ASCC1: variants seen among roughly 807,000 people sequenced by gnomAD.
The protein encoded by ASCC1 is ASC-1 complex subunit P50.
Under a neutral mutation model 46.6 loss-of-function variants are expected in ASCC1, and 35 were observed. The ratio of observed to expected loss-of-function variants is 0.75; its 90% CI spans 0.57 to 0.99. ASCC1 has a LOEUF of 0.99. Ranked by LOEUF, ASCC1 falls within the 50% of genes least tolerant of loss-of-function variation. The probability of loss-of-function intolerance (pLI) is 0.00; values close to 1 mark genes in which losing one functional copy is unlikely to be tolerated. For synonymous variants in ASCC1, 143 were observed against 146.6 expected (o/e 0.98, Z 0.18); for missense variants, 376 against 428.7 (o/e 0.88, Z 1.09).
chr10:72,180,753 A>C (rs1048876243), intron 5 of ASCC1: 2 of 152,196 alleles, frequency 1.3e-5, no homozygotes, highest in Non-Finnish European at 2.9e-5. Flanking sequence ...TACAACCTGA[A>C]GCAGCCTGGG....
chr10:72,136,212 T>C (rs571939274), intron 7 of ASCC1, among the ~76,000 whole-genome samples: 22 of 152,226 alleles, frequency 1.4e-4, no homozygotes, highest in African/African-American at 4.8e-4. Flanking sequence ...CTGGGTTGAA[T>C]GGGGGACTTG....
intron 7 of ASCC1, among the ~76,000 whole-genome samples, chr10:72,142,776 C>G (rs934935707): frequency 7.9e-5 from 12 of 152,268 alleles, no homozygotes; most frequent in Non-Finnish European, 1.8e-4. Context: ...CCTCCCCCTC[C>G]TGTTCCTGAT....
At chr10:72,179,565 G>C (rs1033797207) in intron 5 of ASCC1, among the ~76,000 whole-genome samples, 2 of 152,136 alleles carry the variant, frequency 1.3e-5, no homozygotes, top group Non-Finnish European at 2.9e-5. Flanking sequence ...ACGCAACTTC[G>C]TATCACTGCT....
chr10:72,182,289 T>C (rs1406252306), intron 5 of ASCC1, among the ~76,000 whole-genome samples: 5 of 152,230 alleles, frequency 3.3e-5, no homozygotes, highest in African/African-American at 9.6e-5. Flanking sequence ...TTTTCATTCA[T>C]CCTTGCCCCA....
chr10:72,195,894 C>G (rs11000212), intron 5 of ASCC1, among the ~76,000 whole-genome samples: 87,875 of 151,664 alleles, frequency 0.58, 27,347 homozygotes, highest in African/African-American at 0.8. Context: ...ATATAGCAAT[C>G]ATGTAACAGC....
rs951400711 is a variant in ASCC1, at chr10:72,122,009, C to T, written c.957+6073G>A. The stretch of plus-strand genomic sequence containing the variant: ...AGATCACATTCTGGGCCATAAAATA[C>T]GCTGTAATAAATTTAAAAGAATAGA... On this transcript the variant is annotated intron_variant, in intron 9 of 9. Coordinates refer to ENST00000672957, the MANE Select transcript of ASCC1 (RefSeq NM_001198800.3). 7.2e-5 allele frequency among the ~76,000 whole-genome samples: 11 copies of T among 152,150 alleles called. No individual in the cohort carries two copies. The East Asian group carries it at 9.6e-4, about 13-fold the overall frequency.
chr10:72,137,840 C>A (rs1382181949), intron 7 of ASCC1, among the ~76,000 whole-genome samples: 1 of 151,884 alleles, frequency 6.6e-6, no homozygotes. Flanking sequence ...TTAACACCAT[C>A]TAAGAACCAT....
chr10:72,101,555 G>A (rs928587660), intron 9 of ASCC1, among the ~76,000 whole-genome samples: 2 of 152,074 alleles, frequency 1.3e-5, no homozygotes, highest in Non-Finnish European at 1.5e-5. Context: ...TGTTTGGAAG[G>A]TTCCTAGAGT....
intron 6 of ASCC1, among the ~76,000 whole-genome samples, chr10:72,159,893 TAC>T (rs1434740824): frequency 1.3e-5 from 2 of 151,470 alleles, no homozygotes; most frequent in Admixed American, 6.6e-5. Context: ...GTGTTTGTAT[TAC>T]ACAGTTTCTT....
intron 5 of ASCC1, among the ~76,000 whole-genome samples, chr10:72,195,139 GTTTTTTT>G (rs142672810): frequency 9.8e-5 from 6 of 61,034 alleles, no homozygotes; most frequent in African/African-American, 2.6e-4. Context: ...TTTTTGCTGT[GTTTTTTT>G]TTTTTTTTTT....
intron 3 of ASCC1, among the ~76,000 whole-genome samples, chr10:72,205,716 A>G (rs1292843158): frequency 6.6e-6 from 1 of 151,936 alleles, no homozygotes; most frequent in East Asian, 1.9e-4. Context: ...GAATTGCTTG[A>G]ACCTGGGAGA....
intron 9 of ASCC1, among the ~76,000 whole-genome samples, chr10:72,122,348 G>T (rs1212376808): frequency 4.0e-5 from 6 of 151,624 alleles, no homozygotes; most frequent in African/African-American, 1.5e-4. Flanking sequence ...GAACCTGCAG[G>T]GGCGGAGGTT....
chr10:72,152,900 C>T lies in ASCC1; in HGVS notation c.715G>A (p.Ala239Thr), dbSNP rs760239155. The change falls in exon 7 of 10, where the codon GCC becomes ACC. Residue 239 changes from alanine (A) to threonine (T), a missense_variant. Physicochemically the swap from Ala to Thr is moderately conservative, Grantham distance 58. Coordinates refer to ENST00000672957, the MANE Select transcript of ASCC1 (RefSeq NM_001198800.3). ...GAGCCATCTTTCATATGGACTTTGG[C>T]GTAAAGAACATCCACCATGCCAGGA... ...DDPGMVDVLY[A>T]KVHMKDGSNR... is the part of the protein sequence containing the mutation. 8.1e-6 allele frequency: 13 copies of T among 1,613,992 alleles called. No homozygotes were observed. Among genetic ancestry groups the T allele is most frequent in the Admixed American group, 1.7e-5 (1 of 60,006 alleles).
At chr10:72,131,441 C>CACACACAT (rs761804061) in intron 8 of ASCC1, among the ~76,000 whole-genome samples, 2 of 54,104 alleles carry the variant, frequency 3.7e-5, no homozygotes, top group East Asian at 4.6e-3. Flanking sequence ...AATAAAAATA[C>CACACACAT]ACACACACAC....
chr10:72,177,185 T>C (rs1336744741), intron 5 of ASCC1, among the ~76,000 whole-genome samples: 3 of 152,160 alleles, frequency 2.0e-5, no homozygotes, highest in Non-Finnish European at 4.4e-5. Context: ...TCCACCGAAA[T>C]GGGACAATAT....
intron 6 of ASCC1, chr10:72,159,144 G>C (rs536417045): frequency 1.3e-4 from 20 of 152,258 alleles, no homozygotes; most frequent in African/African-American, 3.8e-4. Context: ...ACAAATTTTT[G>C]CATGCACTGC....
chr10:72,199,819 C>A (rs962541665), intron 4 of ASCC1, among the ~76,000 whole-genome samples: 1 of 152,084 alleles, frequency 6.6e-6, no homozygotes, highest in African/African-American at 2.4e-5. Context: ...GTAGCCTCGA[C>A]TTTCCCAGAT....
rs10708653 is a variant in ASCC1, at chr10:72,208,316, ATT to A, written c.212+2414_212+2415del. ...ATTCACACCAAGACCTGTTACACTGATTTTTTTTTTTTTTTTCCAGGAAACTG... is the reference window on the plus strand; with the variant it reads ...ATTCACACCAAGACCTGTTACACTGATTTTTTTTTTTTTTCCAGGAAACTG... On this transcript the variant is annotated intron_variant, in intron 3 of 9. Coordinates refer to ENST00000672957, the MANE Select transcript of ASCC1 (RefSeq NM_001198800.3). Among the ~76,000 whole-genome samples the A allele has an allele frequency of 4.8e-3, 685 of 143,636 alleles. 8 individuals are homozygous for A. The highest frequency in any genetic ancestry group is 0.016 in the African/African-American group (636 of 39,674). 94.2% of individuals were successfully genotyped at this position (143,636 alleles called of 152,430 possible). A position where few individuals can be genotyped will look rare whatever the true frequency, so the allele number is the denominator to read the frequency against.
At chr10:72,101,159 T>G (rs1420925610) in intron 9 of ASCC1, among the ~76,000 whole-genome samples, 1 of 152,182 alleles carries the variant, frequency 6.6e-6, no homozygotes, top group African/African-American at 2.4e-5. Flanking sequence ...TCCCAAGTGC[T>G]TACCATCTCG....
Sources: gnomAD v4.1 joint callset for allele counts (sites outside exome capture counted in the v4.1 genomes callset) on GRCh38, gnomAD v4.1.1 for gene constraint, MANE v1.5 for transcripts, NCBI Gene and HGNC (gene_info 2026-07-23, HGNC 2026-07-21) for gene names.